The following CCDC192 variants were observed in gnomAD, a reference collection of about 807,000 sequenced individuals.
The protein encoded by CCDC192 is coiled-coil domain-containing protein 192.
At position 127,847,141 on chromosome 5, in the gene CCDC192, C is replaced by T. The variant is rs144220890; in HGVS notation, c.412-28397C>T. Among the ~76,000 whole-genome samples the T allele has an allele frequency of 2.0e-5, 3 of 152,342 alleles. No individual in the cohort carries two copies. The East Asian group carries it at 5.8e-4, about 29-fold the overall frequency. On this transcript the variant is annotated intron_variant, in intron 5 of 6. Transcript: ENST00000514853. ...AGAGTTTGCACAATCTAATCTCTTG[C>T]TATGCTTTGTGTTTCATTACTTTCC...
intron 3 of CCDC192, among the ~76,000 whole-genome samples, chr5:127,765,497 A>G (rs73783967): frequency 0.014 from 2,178 of 152,316 alleles, 43 homozygotes; most frequent in African/African-American, 0.046. Context: ...ATCAGTAGAT[A>G]TAGCCCACAT....
intron 6 of CCDC192, among the ~76,000 whole-genome samples, chr5:127,878,063 C>A (rs1262915962): frequency 6.6e-6 from 1 of 152,164 alleles, no homozygotes; most frequent in Admixed American, 6.5e-5. Context: ...GTCTAAAGTA[C>A]CATCAGGAAA....
chr5:127,839,776 G>A (rs1750202900), intron 5 of CCDC192, among the ~76,000 whole-genome samples: 1 of 151,794 alleles, frequency 6.6e-6, no homozygotes, highest in Non-Finnish European at 1.5e-5. Flanking sequence ...ATCACACTAA[G>A]AGTCTATGGA....
At chr5:127,790,562 A>G (rs1233187438) in intron 3 of CCDC192, among the ~76,000 whole-genome samples, 2 of 152,124 alleles carry the variant, frequency 1.3e-5, no homozygotes, top group African/African-American at 4.8e-5. Context: ...TATGTCTCCT[A>G]TCTAACTATT....
chr5:127,808,045 C>A (rs577839084), intron 5 of CCDC192, among the ~76,000 whole-genome samples: 1 of 152,134 alleles, frequency 6.6e-6, no homozygotes, highest in African/African-American at 2.4e-5. Context: ...ATTTATTATT[C>A]TATTAGGTAG....
intron 2 of CCDC192, among the ~76,000 whole-genome samples, chr5:127,744,402 A>G (rs528054269): frequency 8.1e-4 from 124 of 152,156 alleles, no homozygotes; most frequent in African/African-American, 2.9e-3. Flanking sequence ...TAATGAATAG[A>G]TATCAAACAG....
In CCDC192 at chr5:127,837,539, C is replaced by G. The variant is rs752435261; in HGVS notation, c.412-37999C>G. Among the ~76,000 whole-genome samples the G allele has an allele frequency of 7.6e-4, 14 of 18,402 alleles. 5 individuals carry two copies. Among genetic ancestry groups the G allele is most frequent in the Non-Finnish European group, 1.6e-3 (10 of 6,326 alleles). The allele number at this position is 18,402 out of a possible 152,430, so 12.1% of individuals were successfully genotyped here. On this transcript the variant is annotated intron_variant, in intron 5 of 6. Transcript: ENST00000514853. The stretch of plus-strand genomic sequence containing the variant: ...CCCTCAACACCTGGGGATTATGATT[C>G]AATATGAGATTTAGTGGGGACAAAA...
At chr5:127,752,662 C>T (rs1316682265) in intron 2 of CCDC192, among the ~76,000 whole-genome samples, 1 of 152,232 alleles carries the variant, frequency 6.6e-6, no homozygotes, top group Non-Finnish European at 1.5e-5. Flanking sequence ...TTCCGGGCTG[C>T]TTTGTTTACC....
At chr5:127,887,562 A>G (rs74409385) in intron 6 of CCDC192, among the ~76,000 whole-genome samples, 7 of 152,234 alleles carry the variant, frequency 4.6e-5, no homozygotes, top group South Asian at 4.1e-4. Context: ...GTAACTTTGG[A>G]TGACTGCCAA....
Position 127,723,029 on chromosome 5 carries a change from C to T in CCDC192, c.114+15269C>T, listed in dbSNP as rs567817044. ...ATTTTGTTAGAGATTGCATTGAATC[C>T]GTACATTGCTTTGGGCAGTATGGAC... On this transcript the variant is annotated intron_variant, in intron 2 of 6. Coordinates refer to ENST00000514853, the MANE Select transcript of CCDC192 (RefSeq NM_001317938.2). 9.9e-5 allele frequency among the ~76,000 whole-genome samples: 15 copies of T among 152,108 alleles called. No homozygotes were observed. The South Asian group carries it at 1.9e-3, about 19-fold the overall frequency.
chr5:127,912,303 A>G (rs1230359483), intron 6 of CCDC192, among the ~76,000 whole-genome samples: 1 of 150,524 alleles, frequency 6.6e-6, no homozygotes, highest in East Asian at 2.0e-4. Flanking sequence ...TATTCAGGCT[A>G]TTTTTCCAGT....
chr5:127,934,022 G>A (rs1488660836), intron 6 of CCDC192, among the ~76,000 whole-genome samples: 1 of 152,158 alleles, frequency 6.6e-6, no homozygotes, highest in African/African-American at 2.4e-5. Context: ...ACTTCTCAAG[G>A]CCCAGATGAG....
chr5:127,833,931 A>C (rs1368047116), intron 5 of CCDC192, among the ~76,000 whole-genome samples: 1 of 152,154 alleles, frequency 6.6e-6, no homozygotes, highest in Non-Finnish European at 1.5e-5. Flanking sequence ...AGATCAGCTT[A>C]AGAAAATGGA....
chr5:127,844,422 T>C (rs1750434322), intron 5 of CCDC192, among the ~76,000 whole-genome samples: 1 of 152,222 alleles, frequency 6.6e-6, no homozygotes, highest in African/African-American at 2.4e-5. Context: ...TGACAAAGAC[T>C]ACAAAGCCAA....
chr5:127,736,907 G>A (rs1310897827), intron 2 of CCDC192, among the ~76,000 whole-genome samples: 32 of 131,314 alleles, frequency 2.4e-4, no homozygotes, highest in Middle Eastern at 3.7e-3. Flanking sequence ...TTTTTTGAAG[G>A]GTTTTTTGTG....
intron 2 of CCDC192, among the ~76,000 whole-genome samples, chr5:127,745,419 T>C (rs1753685061): frequency 6.6e-6 from 1 of 152,230 alleles, no homozygotes; most frequent in Non-Finnish European, 1.5e-5. Flanking sequence ...CAATGTCATA[T>C]AAGATTTGTT....
At chr5:127,780,848 T>C (rs1756174533) in intron 3 of CCDC192, among the ~76,000 whole-genome samples, 1 of 152,278 alleles carries the variant, frequency 6.6e-6, no homozygotes, top group Admixed American at 6.5e-5. Context: ...GCTATTTATC[T>C]TTGTTTTTAT....
At chr5:127,874,911 T>C (rs1752007966) in intron 5 of CCDC192, among the ~76,000 whole-genome samples, 1 of 152,110 alleles carries the variant, frequency 6.6e-6, no homozygotes, top group Admixed American at 6.6e-5. Flanking sequence ...CTAATGCAGT[T>C]CTCCCAAAGA....
intron 3 of CCDC192, among the ~76,000 whole-genome samples, chr5:127,769,359 TG>T (rs1469428231): frequency 6.6e-6 from 1 of 152,140 alleles, no homozygotes; most frequent in Non-Finnish European, 1.5e-5. Context: ...AATTCTGATT[TG>T]CCTGGTATAC....
Sources: allele counts gnomAD v4.1 joint callset (sites outside exome capture counted in the v4.1 genomes callset), GRCh38; gene constraint gnomAD v4.1.1; transcripts MANE v1.5; gene names NCBI Gene and HGNC (gene_info 2026-07-23, HGNC 2026-07-21).